The following EML6 variants were observed in gnomAD, a reference collection of about 807,000 sequenced individuals.
EML6 encodes the protein EMAP like 6.
In EML6, 154 loss-of-function variants were observed where a neutral mutation model predicts 240.1. The observed-to-expected ratio is 0.64, with a 90% CI of 0.56 to 0.73. EML6 has a LOEUF of 0.73. Among genes scored for constraint, EML6 ranks in the 30% least tolerant of loss-of-function variants. EML6 has a pLI of 0.00. For synonymous variants in EML6, 1,148 were observed against 899.0 expected, an observed-to-expected ratio of 1.28 and a Z score of -4.95; for missense variants, 2,964 against 2,474.6, an observed-to-expected ratio of 1.20 and a Z score of -4.20.
At position 54,778,891 on chromosome 2, in the gene EML6, C is replaced by CAAAAAAAA. The variant is rs556068541; in HGVS notation, c.198-34336_198-34329dup. Among the ~76,000 whole-genome samples, 83 of 99,548 alleles carry CAAAAAAAA rather than the reference C, an allele frequency of 8.3e-4. 1 individual carries two copies. In the South Asian group the frequency reaches 0.01, roughly 12 times the overall value. The allele number at this position is 99,548 out of a possible 152,430, so 65.3% of individuals were successfully genotyped here. A position where few individuals can be genotyped will look rare whatever the true frequency, so the allele number is the denominator to read the frequency against. ...TGGGTGACAGAGCAAGACTCCATCT[C>CAAAAAAAA]AAAAAAAAAAAAGAAAGAAAGAAAA... On this transcript the variant is annotated intron_variant, in intron 2 of 41. Coordinates refer to ENST00000356458, the MANE Select transcript of EML6 (RefSeq NM_001039753.4).
chr2:54,915,301 G>T (rs1673853714), intron 25 of EML6, among the ~76,000 whole-genome samples: 1 of 152,124 alleles, frequency 6.6e-6, no homozygotes, highest in Admixed American at 6.5e-5. Context: ...TTCCTTTCCT[G>T]CTGGGATGAG....
At chr2:54,781,770 A>G (rs35620351) in intron 2 of EML6, among the ~76,000 whole-genome samples, 32,240 of 152,052 alleles carry the variant, frequency 0.21, 3,781 homozygotes, top group Middle Eastern at 0.32. Context: ...TCTGGGCTCA[A>G]GTGATCCTCC....
At chr2:54,841,205 A>G (rs1474434062) in intron 7 of EML6, among the ~76,000 whole-genome samples, 3 of 152,194 alleles carry the variant, frequency 2.0e-5, no homozygotes, top group East Asian at 3.9e-4. Flanking sequence ...CTTTCACCAT[A>G]CATCTGTCCT....
At chr2:54,765,802 TAATA>T (rs1341050852) in intron 2 of EML6, among the ~76,000 whole-genome samples, 1 of 151,780 alleles carries the variant, frequency 6.6e-6, no homozygotes, top group African/African-American at 2.4e-5. Flanking sequence ...AATAGGTACT[TAATA>T]AATAGTCAAT....
At chr2:54,940,661 A>G (rs1184137708) in intron 28 of EML6, among the ~76,000 whole-genome samples, 1 of 152,216 alleles carries the variant, frequency 6.6e-6, no homozygotes, top group Non-Finnish European at 1.5e-5. Context: ...GATGCTGTGC[A>G]AGTCCATTCT....
intron 24 of EML6, among the ~76,000 whole-genome samples, chr2:54,904,819 T>C (rs938172655): frequency 5.7e-4 from 87 of 152,288 alleles, no homozygotes; most frequent in Non-Finnish European, 1.1e-3. Flanking sequence ...AGGAGAACGA[T>C]GATGAAGGCC....
intron 9 of EML6, among the ~76,000 whole-genome samples, chr2:54,848,516 T>G (rs1669892100): frequency 4.7e-5 from 1 of 21,338 alleles, no homozygotes; most frequent in Admixed American, 6.0e-4. Flanking sequence ...CTTCTCAAGC[T>G]TCCACACTAC....
intron 17 of EML6, among the ~76,000 whole-genome samples, chr2:54,889,678 A>C (rs1672355617): frequency 6.6e-6 from 1 of 152,056 alleles, no homozygotes; most frequent in African/African-American, 2.4e-5. Context: ...GTCATTTTAA[A>C]ATTTCCTTTT....
chr2:54,782,221 T>C (rs1304060394), intron 2 of EML6, among the ~76,000 whole-genome samples: 1 of 152,242 alleles, frequency 6.6e-6, no homozygotes, highest in Non-Finnish European at 1.5e-5. Flanking sequence ...TCATTGTTAA[T>C]CTTCTTTGTT....
intron 8 of EML6, among the ~76,000 whole-genome samples, chr2:54,845,400 C>A (rs144167420): frequency 1.3e-5 from 2 of 152,222 alleles, no homozygotes; most frequent in Non-Finnish European, 2.9e-5. Context: ...GGAAGTCCTT[C>A]GCTTTTATGT....
At chr2:54,949,181 A>G (rs892106722) in intron 29 of EML6, among the ~76,000 whole-genome samples, 1 of 152,072 alleles carries the variant, frequency 6.6e-6, no homozygotes, top group Admixed American at 6.6e-5. Context: ...CCCTGTCACC[A>G]GGTCCTTTCA....
intron 2 of EML6, among the ~76,000 whole-genome samples, chr2:54,801,438 A>G (rs1282563536): frequency 6.6e-6 from 1 of 152,184 alleles, no homozygotes; most frequent in African/African-American, 2.4e-5. Context: ...TGCTTACATG[A>G]ATTAACCATC....
In EML6 at chr2:54,753,623, C is replaced by T. The variant is rs117534806; in HGVS notation, c.197+28365C>T. On this transcript the variant is annotated intron_variant, in intron 2 of 41. Coordinates refer to ENST00000356458, the MANE Select transcript of EML6 (RefSeq NM_001039753.4). Reference sequence around the variant, plus strand: ...AGAAAAAGCAGAGGAACAGAGTCTCCCAGTCTCCCTAGGGCCCCCAGTAAG... The same window carrying T: ...AGAAAAAGCAGAGGAACAGAGTCTCTCAGTCTCCCTAGGGCCCCCAGTAAG... Among the ~76,000 whole-genome samples the T allele has an allele frequency of 1.8e-4, 27 of 151,372 alleles. No homozygotes were observed. In the East Asian group the frequency reaches 5.1e-3, roughly 28 times the overall value.
At chr2:54,728,214 C>T (rs373418570) in intron 2 of EML6, among the ~76,000 whole-genome samples, 70 of 152,314 alleles carry the variant, frequency 4.6e-4, no homozygotes, top group African/African-American at 1.6e-3. Context: ...ATACCAAGGA[C>T]AGTAATAGAG....
At chr2:54,882,582 G>GGCGC (rs1671875691) in intron 17 of EML6, 1 of 151,812 alleles carries the variant, frequency 6.6e-6, no homozygotes, top group African/African-American at 2.4e-5. Flanking sequence ...ACAAAGGCCG[G>GGCGC]GCGCGGTAGC....
At chr2:54,949,120 A>G (rs1368658530) in intron 29 of EML6, among the ~76,000 whole-genome samples, 160 bp downstream of exon 29, 1 of 152,004 alleles carries the variant, frequency 6.6e-6, no homozygotes, top group Non-Finnish European at 1.5e-5. Context: ...TGTGTCTTCC[A>G]TCCCAGGGAC....
chr2:54,928,559 C>A, intron 27 of EML6, 45 bp downstream of exon 27: 1 of 1,550,916 alleles, frequency 6.4e-7, no homozygotes, highest in Non-Finnish European at 8.7e-7. Context: ...GAATGCACCT[C>A]CCAACACCTC....
intron 25 of EML6, among the ~76,000 whole-genome samples, chr2:54,912,532 T>C (rs1366706076): frequency 6.6e-6 from 1 of 152,168 alleles, no homozygotes; most frequent in Non-Finnish European, 1.5e-5. Flanking sequence ...GCACAGTACC[T>C]AGTAGATAGT....
At chr2:54,826,312 A>C (rs943446607) in intron 5 of EML6, among the ~76,000 whole-genome samples, 1 of 152,226 alleles carries the variant, frequency 6.6e-6, no homozygotes, top group Non-Finnish European at 1.5e-5. Context: ...TATCAAGGGC[A>C]GTGAGGTTAT....
Sources: allele counts gnomAD v4.1 joint callset (sites outside exome capture counted in the v4.1 genomes callset), GRCh38; gene constraint gnomAD v4.1.1; transcripts MANE v1.5; gene names NCBI Gene and HGNC (gene_info 2026-07-23, HGNC 2026-07-21).